Variants in BMP2K observed in about 807,000 individuals in gnomAD.
The protein encoded by BMP2K is BMP2 inducible kinase.
In BMP2K, 74 loss-of-function variants were observed where a neutral mutation model predicts 116.0. The observed-to-expected ratio is 0.64, with a 90% CI of 0.53 to 0.77. The LOEUF (loss-of-function observed/expected upper bound fraction) is 0.77, where lower values mean the gene tolerates loss of function less well. Among genes scored for constraint, BMP2K ranks in the 30% least tolerant of loss-of-function variants. BMP2K has a pLI of 0.00. For synonymous variants in BMP2K, 486 were observed against 502.5 expected (o/e 0.97, Z 0.44); for missense variants, 1,365 against 1,403.6 (o/e 0.97, Z 0.44).
intron 15 of BMP2K, among the ~76,000 whole-genome samples, chr4:78,906,563 G>A (rs924796867): frequency 6.6e-6 from 1 of 152,040 alleles, no homozygotes; most frequent in African/African-American, 2.4e-5. Flanking sequence ...GAATTTCCAG[G>A]ATCTAAAATG....
rs757970854 is a variant in BMP2K at position 78,865,738 on chromosome 4, A to T, written c.1231+18A>T. The T allele has an allele frequency of 6.2e-7, 1 of 1,612,320 alleles. No individual in the cohort carries two copies. Among genetic ancestry groups the T allele is most frequent in the Admixed American group, 1.7e-5 (1 of 59,964 alleles). Reference sequence around the variant, plus strand: ...ACCAAAAGGTAATAGAGCCCCGCCAACCTCATCCTCTTAAAGGTTAATGTT... The same window carrying T: ...ACCAAAAGGTAATAGAGCCCCGCCATCCTCATCCTCTTAAAGGTTAATGTT... On this transcript the variant is annotated intron_variant, in intron 10 of 15. Coordinates refer to ENST00000502613, the MANE Select transcript of BMP2K (RefSeq NM_198892.2).
intron 14 of BMP2K, 106 bp from the exon 15 acceptor site, chr4:78,887,068 G>C: frequency 4.0e-6 from 3 of 745,826 alleles, no homozygotes; most frequent in East Asian, 5.4e-5. Context: ...TTGCAAAAAG[G>C]CTGGTGCTTT....
intron 1 of BMP2K, among the ~76,000 whole-genome samples, chr4:78,797,967 A>G (rs926968843): frequency 6.6e-6 from 1 of 152,092 alleles, no homozygotes; most frequent in Non-Finnish European, 1.5e-5. Context: ...GGTGTGTGCC[A>G]CCACGCCTGA....
At chr4:78,837,074 ATTTTC>A (rs370391279) in intron 3 of BMP2K, among the ~76,000 whole-genome samples, 3,977 of 150,698 alleles carry the variant, frequency 0.026, 192 homozygotes, top group African/African-American at 0.092. Flanking sequence ...TAATCCTCTG[ATTTTC>A]TTTTCTTATT....
chr4:78,892,059 T>C (rs910496649), intron 15 of BMP2K, among the ~76,000 whole-genome samples: 5 of 152,208 alleles, frequency 3.3e-5, no homozygotes, highest in African/African-American at 9.6e-5. Flanking sequence ...TTTGGTTTTC[T>C]TTCCTTGTAA....
chr4:78,866,564 G>A (rs7696247), intron 10 of BMP2K, among the ~76,000 whole-genome samples: 26,031 of 152,052 alleles, frequency 0.17, 4,539 homozygotes, highest in African/African-American at 0.45. Context: ...CTGATACACG[G>A]TATGCCTTTG....
intron 4 of BMP2K, among the ~76,000 whole-genome samples, chr4:78,844,217 A>G (rs370448659): frequency 1.9e-4 from 29 of 151,826 alleles, no homozygotes; most frequent in South Asian, 1.2e-3. Flanking sequence ...TCATATTCTA[A>G]TTGTCCCCAT....
intron 12 of BMP2K, among the ~76,000 whole-genome samples, chr4:78,872,173 T>A (rs541461826): frequency 6.6e-6 from 1 of 152,264 alleles, no homozygotes; most frequent in South Asian, 2.1e-4. Context: ...TTCTCTTATG[T>A]CATTATATAA....
At chr4:78,778,448 A>C (rs1299026953) in intron 1 of BMP2K, among the ~76,000 whole-genome samples, 1 of 152,242 alleles carries the variant, frequency 6.6e-6, no homozygotes, top group Admixed American at 6.5e-5. Context: ...TTTTGCCATA[A>C]ATGTATCATT....
At chr4:78,784,322 A>G (rs1184524919) in intron 1 of BMP2K, among the ~76,000 whole-genome samples, 1 of 152,226 alleles carries the variant, frequency 6.6e-6, no homozygotes, top group Non-Finnish European at 1.5e-5. Context: ...GTGGTCGGGT[A>G]TAATATTTCA....
chr4:78,876,273 A>G (rs1409103538), intron 13 of BMP2K, among the ~76,000 whole-genome samples: 2 of 151,272 alleles, frequency 1.3e-5, no homozygotes, highest in African/African-American at 4.9e-5. Flanking sequence ...TTTTCCTTCA[A>G]TTTTCTGGGT....
chr4:78,874,195 A>G (rs1377221046), intron 13 of BMP2K, among the ~76,000 whole-genome samples: 1 of 152,056 alleles, frequency 6.6e-6, no homozygotes, highest in Admixed American at 6.6e-5. Flanking sequence ...ACACACACAC[A>G]CACACAAAAA....
At chr4:78,843,154 C>T (rs979208902) in intron 4 of BMP2K, among the ~76,000 whole-genome samples, 1 of 151,932 alleles carries the variant, frequency 6.6e-6, no homozygotes, top group Non-Finnish European at 1.5e-5. Context: ...CAGGTGTCCT[C>T]TTTCATGCCC....
chr4:78,883,292 A>G (rs16997401), intron 14 of BMP2K, among the ~76,000 whole-genome samples: 4,141 of 152,254 alleles, frequency 0.027, 193 homozygotes, highest in African/African-American at 0.094. Flanking sequence ...AAGTAGTTCT[A>G]CATAACCATT....
intron 7 of BMP2K, among the ~76,000 whole-genome samples, chr4:78,859,003 G>A (rs138517195): frequency 6.6e-6 from 1 of 151,914 alleles, no homozygotes; most frequent in East Asian, 1.9e-4. Flanking sequence ...AGAAAACTCT[G>A]CCCATATTTC....
intron 10 of BMP2K, among the ~76,000 whole-genome samples, chr4:78,869,853 A>G (rs923110493): frequency 6.6e-6 from 1 of 152,168 alleles, no homozygotes; most frequent in African/African-American, 2.4e-5. Context: ...TTATAATTAG[A>G]AAAGTTAGAA....
chr4:78,847,846 G>A (rs372321381), intron 6 of BMP2K, among the ~76,000 whole-genome samples: 7 of 151,466 alleles, frequency 4.6e-5, no homozygotes, highest in East Asian at 3.9e-4. Context: ...TTATAAATAC[G>A]TTTGTGATTG....
intron 1 of BMP2K, among the ~76,000 whole-genome samples, chr4:78,782,791 T>C (rs78454928): frequency 0.048 from 7,331 of 152,272 alleles, 546 homozygotes; most frequent in African/African-American, 0.17. Context: ...TGGTTAATTT[T>C]GACAGCTTTT....
intron 1 of BMP2K, among the ~76,000 whole-genome samples, chr4:78,800,577 A>AG (rs1490043622): frequency 6.6e-6 from 1 of 152,216 alleles, no homozygotes; most frequent in African/African-American, 2.4e-5. Flanking sequence ...TAACTTGTTT[A>AG]GTGTCAGGTT....
Sources: gnomAD v4.1 joint callset for allele counts (sites outside exome capture counted in the v4.1 genomes callset) on GRCh38, gnomAD v4.1.1 for gene constraint, MANE v1.5 for transcripts, NCBI Gene and HGNC (gene_info 2026-07-23, HGNC 2026-07-21) for gene names.